CUX2: variants seen among roughly 807,000 people sequenced by gnomAD.
CUX2 encodes the protein cut like homeobox 2, also known as homeobox protein cut-like 2.
A neutral mutation model predicts 144.8 loss-of-function variants in CUX2; 40 were observed. The observed-to-expected ratio is 0.28, with a 90% CI of 0.21 to 0.36. CUX2 has a LOEUF of 0.36. CUX2 is among the 10% of genes least tolerant of loss of function. The pLI, the probability that CUX2 is intolerant of heterozygous loss-of-function variation, is 1.00. For synonymous variants in CUX2, 827 were observed against 875.6 expected (o/e 0.94, Z 0.98); for missense variants, 1,615 against 1,994.0 (o/e 0.81, Z 3.62).
At chr12:111,101,172 A>C (rs552117367) in intron 1 of CUX2, among the ~76,000 whole-genome samples, 2 of 152,300 alleles carry the variant, frequency 1.3e-5, no homozygotes, top group South Asian at 4.2e-4. Flanking sequence ...CCTCGTGATG[A>C]GGACCCCTGG....
intron 1 of CUX2, among the ~76,000 whole-genome samples, chr12:111,090,205 T>C (rs1592883414): frequency 6.6e-6 from 1 of 152,186 alleles, no homozygotes; most frequent in East Asian, 1.9e-4. Flanking sequence ...TGGGGCCAGA[T>C]GAGGGAGCAT....
At chr12:111,267,261 A>C (rs1884435452) in intron 4 of CUX2, among the ~76,000 whole-genome samples, 1 of 151,820 alleles carries the variant, frequency 6.6e-6, no homozygotes, top group African/African-American at 2.4e-5. Context: ...ACAGAGTCTC[A>C]GGCCCCATCC....
rs1879510215 is a variant in CUX2 at position 111,186,074 on chromosome 12, C to T, written c.64-28126C>T. Reference sequence around the variant, plus strand: ...CTCCCTCCCTCCCTTCCTCCTCCTGCCCTCTGTTCTGCCCTCGCCCCCTTT... The same window carrying T: ...CTCCCTCCCTCCCTTCCTCCTCCTGTCCTCTGTTCTGCCCTCGCCCCCTTT... On this transcript the variant is annotated intron_variant, in intron 1 of 21. Coordinates refer to ENST00000261726, the MANE Select transcript of CUX2 (RefSeq NM_015267.4). The surrounding 1 kb of genome is among the most constrained non-coding windows in gnomAD (Gnocchi z 4.4). Among the ~76,000 whole-genome samples the T allele has an allele frequency of 6.6e-6, 1 of 151,964 alleles. No homozygotes were observed. The highest frequency in any genetic ancestry group is 2.4e-5 in the African/African-American group (1 of 41,342).
In CUX2 at chr12:111,320,726, A is replaced by G; in HGVS notation, c.2717A>G (p.Lys906Arg). The G allele has an allele frequency of 6.3e-7, 1 of 1,586,058 alleles. No individual in the cohort carries two copies. The highest frequency in any genetic ancestry group is 8.5e-7 in the Non-Finnish European group (1 of 1,173,692). The stretch of plus-strand genomic sequence containing the variant: ...ACGCTGGAGCTCACCCGCCAGGTCA[A>G]GGAGAAGCTGGCCAAGAACGGCATC... ...VDTLELTRQV[K>R]EKLAKNGICQ... The change falls in exon 17 of 22, where the codon AAG becomes AGG. Residue 906 changes from lysine (K) to arginine (R), a missense_variant. Transcript: ENST00000261726. This position sits in a 1 kb window ranked among gnomAD's most constrained non-coding sequence, Gnocchi z 8.1.
intron 2 of CUX2, among the ~76,000 whole-genome samples, chr12:111,216,885 A>G (rs942510571): frequency 2.6e-5 from 4 of 152,296 alleles, no homozygotes; most frequent in Non-Finnish European, 5.9e-5. Flanking sequence ...TTACCTGCCC[A>G]TAAGTCTTCA....
chr12:111,095,614 C>T (rs770355402), intron 1 of CUX2, among the ~76,000 whole-genome samples: 5 of 152,162 alleles, frequency 3.3e-5, no homozygotes, highest in Non-Finnish European at 5.9e-5. Flanking sequence ...TTTTAAGTCT[C>T]AGTTTCCTCA....
chr12:111,321,684 C>G (rs190137739), intron 17 of CUX2, among the ~76,000 whole-genome samples: 1 of 151,854 alleles, frequency 6.6e-6, no homozygotes, highest in Non-Finnish European at 1.5e-5. Context: ...CTCATCCCCC[C>G]AAAAATAAAT....
At chr12:111,169,803 A>G (rs914163158) in intron 1 of CUX2, among the ~76,000 whole-genome samples, 15 of 152,188 alleles carry the variant, frequency 9.9e-5, no homozygotes, top group African/African-American at 3.6e-4. Flanking sequence ...TACACGCCTT[A>G]TGTATTGGGA....
intron 1 of CUX2, among the ~76,000 whole-genome samples, chr12:111,103,093 A>T (rs905326800): frequency 6.6e-6 from 1 of 152,094 alleles, no homozygotes; most frequent in Non-Finnish European, 1.5e-5. Flanking sequence ...TGACGGTCTT[A>T]TTGGATGGGG....
chr12:111,328,942 T>TCTCTCC, intron 18 of CUX2, among the ~76,000 whole-genome samples: 1 of 45,448 alleles, frequency 2.2e-5, no homozygotes, highest in African/African-American at 2.2e-4. Context: ...GATTCACCTA[T>TCTCTCC]CTCTCTCTCT....
intron 1 of CUX2, among the ~76,000 whole-genome samples, chr12:111,096,512 A>G (rs1275827894): frequency 6.6e-6 from 1 of 152,196 alleles, no homozygotes; most frequent in Non-Finnish European, 1.5e-5. Flanking sequence ...ACTGAGGCTC[A>G]CAGAGGCAAA....
At chr12:111,217,760 C>A in intron 2 of CUX2, 130 bp from the exon 3 acceptor site, 1 of 926,144 alleles carries the variant, frequency 1.1e-6, no homozygotes, top group Non-Finnish European at 1.7e-6. Context: ...TTGTGAAATC[C>A]AATGGAGTTC....
rs1194630973 is a variant in CUX2, at chr12:111,190,816, C to T, written c.64-23384C>T. 2.6e-5 allele frequency among the ~76,000 whole-genome samples: 4 copies of T among 152,160 alleles called. No homozygotes were observed. Among genetic ancestry groups the T allele is most frequent in the South Asian group, 2.1e-4 (1 of 4,830 alleles). The stretch of plus-strand genomic sequence containing the variant: ...TCTGCTGCTACCCCAAAGCTGAATG[C>T]CCCGGCTTTTAATCTGTGTGCGTTG... On this transcript the variant is annotated intron_variant, in intron 1 of 21. Coordinates refer to ENST00000261726, the MANE Select transcript of CUX2 (RefSeq NM_015267.4). The surrounding 1 kb of genome is among the most constrained non-coding windows in gnomAD (Gnocchi z 4.0).
intron 1 of CUX2, among the ~76,000 whole-genome samples, chr12:111,109,239 A>T (rs1873792174): frequency 6.6e-6 from 1 of 152,126 alleles, no homozygotes; most frequent in South Asian, 2.1e-4. Flanking sequence ...CTCATCAATT[A>T]TTTGTTTACC....
chr12:111,264,903 T>C (rs921112911), intron 4 of CUX2, among the ~76,000 whole-genome samples: 3 of 150,306 alleles, frequency 2.0e-5, no homozygotes, highest in Non-Finnish European at 3.0e-5. Flanking sequence ...TAAGAGTCGA[T>C]TGTTGGTTGC....
chr12:111,222,060 C>T (rs988640366), intron 3 of CUX2, among the ~76,000 whole-genome samples: 1 of 152,142 alleles, frequency 6.6e-6, no homozygotes, highest in Non-Finnish European at 1.5e-5. Context: ...AAAGATAATT[C>T]AAAGCAATAA....
chr12:111,132,856 C>T (rs1875594503), intron 1 of CUX2, among the ~76,000 whole-genome samples: 1 of 152,154 alleles, frequency 6.6e-6, no homozygotes, highest in Non-Finnish European at 1.5e-5. Context: ...GCATGAGCCA[C>T]TATGCCTGGC....
chr12:111,216,046 G>A (rs1881509313), intron 2 of CUX2, among the ~76,000 whole-genome samples: 1 of 152,238 alleles, frequency 6.6e-6, no homozygotes, highest in African/African-American at 2.4e-5. Flanking sequence ...GAGCTCCTCT[G>A]GCTGGTGCCC....
rs1239471927 is a variant in CUX2 at position 111,068,452 on chromosome 12, G to A, written c.63+34212G>A. 1.3e-5 allele frequency among the ~76,000 whole-genome samples: 2 copies of A among 152,216 alleles called. No individual in the cohort carries two copies. Among genetic ancestry groups the A allele is most frequent in the Non-Finnish European group, 2.9e-5 (2 of 68,030 alleles). ...CGAGTGCTGCGGTGAAGTGTCAGGCGTCACCCGGGGTGACTGTGGAGACGC... is the reference window on the plus strand; with the variant it reads ...CGAGTGCTGCGGTGAAGTGTCAGGCATCACCCGGGGTGACTGTGGAGACGC... On this transcript the variant is annotated intron_variant, in intron 1 of 21. Coordinates refer to ENST00000261726, the MANE Select transcript of CUX2 (RefSeq NM_015267.4). The surrounding 1 kb of genome is among the most constrained non-coding windows in gnomAD (Gnocchi z 4.9).
Sources: allele counts gnomAD v4.1 joint callset (sites outside exome capture counted in the v4.1 genomes callset), GRCh38; gene constraint gnomAD v4.1.1; non-coding constraint Gnocchi (gnomAD v3.1); transcripts MANE v1.5; gene names NCBI Gene and HGNC (gene_info 2026-07-23, HGNC 2026-07-21).